Variants in PRICKLE1 observed in about 807,000 individuals in gnomAD.
The protein encoded by PRICKLE1 is prickle planar cell polarity protein 1.
PRICKLE1 carries 14 observed loss-of-function variants against 70.2 expected under a neutral mutation model. The observed-to-expected ratio is 0.20, with a 90% CI of 0.13 to 0.31. PRICKLE1 has a LOEUF of 0.31. Among genes scored for constraint, PRICKLE1 ranks in the 10% least tolerant of loss-of-function variants. The pLI is 1.00. For missense variants in PRICKLE1, 821 were observed against 1,026.2 expected, an observed-to-expected ratio of 0.80 and a Z score of 2.73; for synonymous variants, 357 against 379.9, an observed-to-expected ratio of 0.94 and a Z score of 0.70.
intron 1 of PRICKLE1, among the ~76,000 whole-genome samples, chr12:42,552,221 C>G (rs1343471771): frequency 1.3e-5 from 2 of 151,964 alleles, no homozygotes; most frequent in African/African-American, 4.8e-5. Context: ...TGCATGCCAC[C>G]ACGCCCGGCT....
At position 42,502,270 on chromosome 12, in the gene PRICKLE1, C is replaced by CAT. The variant is rs3086539; in HGVS notation, c.-48-29708_-48-29707dup. On this transcript the variant is annotated intron_variant, in intron 1 of 7. Coordinates refer to ENST00000345127, the MANE Select transcript of PRICKLE1 (RefSeq NM_153026.3). ...ATACACACCTATATATATATACCTA[C>CAT]ATATATATATATAGATATATATTTG... is the stretch of plus-strand genomic sequence containing the variant. 7.5e-3 allele frequency among the ~76,000 whole-genome samples: 1,109 copies of CAT among 148,138 alleles called. 33 individuals carry two copies. The East Asian group carries it at 0.089, about 12-fold the overall frequency.
Position 42,459,607 on chromosome 12 carries a change from C to G in PRICKLE1, c.*202G>C. 2 of 690,578 alleles carry G rather than the reference C, an allele frequency of 2.9e-6. No homozygotes were observed. The highest frequency in any genetic ancestry group is 3.6e-5 in the South Asian group (2 of 55,664). 42.8% of individuals were successfully genotyped at this position (690,578 alleles called of 1,614,324 possible). A position where few individuals can be genotyped will look rare whatever the true frequency, so the allele number is the denominator to read the frequency against. On this transcript the variant is annotated 3_prime_UTR_variant, in exon 8 of 8. Transcript: ENST00000345127. ...GACAGGCACGAGATGTCACGTCCACCTGGCACCATCCAAAGAGGGTAAATT... is the reference window on the plus strand; with the variant it reads ...GACAGGCACGAGATGTCACGTCCACGTGGCACCATCCAAAGAGGGTAAATT...
intron 1 of PRICKLE1, among the ~76,000 whole-genome samples, chr12:42,528,505 C>T (rs533338801): frequency 1.3e-5 from 2 of 152,182 alleles, no homozygotes; most frequent in South Asian, 4.2e-4. Flanking sequence ...TAAAAACAAC[C>T]TAAAAATTAC....
intron 1 of PRICKLE1, chr12:42,483,218 T>G (rs1938868009): frequency 6.6e-6 from 1 of 152,450 alleles, no homozygotes; most frequent in Non-Finnish European, 1.5e-5. Context: ...GCACTCGCCC[T>G]GCGGCTGGAC....
At position 42,466,275 on chromosome 12, in the gene PRICKLE1, T is replaced by C; in HGVS notation, c.694A>G (p.Met232Val). 1.2e-6 allele frequency: 2 copies of C among 1,614,220 alleles called. No individual in the cohort carries two copies. The highest frequency in any genetic ancestry group is 1.7e-6 in the Non-Finnish European group (2 of 1,180,046). Residue 232 changes from methionine to valine, a missense_variant, in exon 6 of 8, where the codon ATG becomes GTG. Coordinates refer to ENST00000345127, the MANE Select transcript of PRICKLE1 (RefSeq NM_153026.3). ...CAGCAGAAGGGGCGGCCGTCCTTCATGATATACCTCTGTCCTCCCAGGACC... is the reference window on the plus strand; with the variant it reads ...CAGCAGAAGGGGCGGCCGTCCTTCACGATATACCTCTGTCCTCCCAGGACC... ...ETVLGGQRYI[M>V]KDGRPFCCGC... is the part of the protein sequence containing the mutation.
Position 42,464,795 on chromosome 12 carries a change from ATC to A in PRICKLE1, c.1237_1238del (p.Asp413LeufsTer11). The A allele has an allele frequency of 6.2e-7, 1 of 1,613,986 alleles. No homozygotes were observed. Among genetic ancestry groups the A allele is most frequent in the Non-Finnish European group, 8.5e-7 (1 of 1,179,996 alleles). Reference sequence around the variant, plus strand: ...ACTTGAGGAGGAGCTGCGTCATATAATCTTCATGATCAGCCCATTCTTCAGGG... The same window carrying A: ...ACTTGAGGAGGAGCTGCGTCATATAATTCATGATCAGCCCATTCTTCAGGG... ...EDPEEWADHE[D>X]YMTQLLLKFG... On this transcript the variant is annotated frameshift_variant, in exon 7 of 8. Coordinates refer to ENST00000345127, the MANE Select transcript of PRICKLE1 (RefSeq NM_153026.3). LOFTEE classifies it high-confidence loss of function. This position sits in a 1 kb window ranked among gnomAD's most constrained non-coding sequence, Gnocchi z 4.2.
intron 1 of PRICKLE1, among the ~76,000 whole-genome samples, chr12:42,542,860 C>T (rs538927554): frequency 6.6e-5 from 10 of 152,266 alleles, no homozygotes; most frequent in Admixed American, 5.2e-4. Context: ...TGAATGTTTG[C>T]GTCCTCTAAC....
intron 1 of PRICKLE1, among the ~76,000 whole-genome samples, chr12:42,514,752 G>C (rs945427985): frequency 6.6e-6 from 1 of 151,752 alleles, no homozygotes; most frequent in African/African-American, 2.4e-5. Context: ...GTCCTAAAAG[G>C]CTTGTTTTGA....
At chr12:42,581,728 CAGA>C (rs1940904301) in intron 1 of PRICKLE1, among the ~76,000 whole-genome samples, 1 of 146,826 alleles carries the variant, frequency 6.8e-6, no homozygotes, top group African/African-American at 2.5e-5. Context: ...GCCTGGGTGA[CAGA>C]AGGAGACTCC....
intron 1 of PRICKLE1, among the ~76,000 whole-genome samples, chr12:42,474,044 C>T (rs1938426203): frequency 6.6e-6 from 1 of 152,104 alleles, no homozygotes; most frequent in Non-Finnish European, 1.5e-5. Context: ...GAGGCTGAGG[C>T]AGATGGATCA....
chr12:42,541,784 GA>G (rs777306699), intron 1 of PRICKLE1, among the ~76,000 whole-genome samples: 35 of 152,310 alleles, frequency 2.3e-4, no homozygotes, highest in Non-Finnish European at 1.3e-4. Context: ...GAAAGGATCA[GA>G]AGTGCTTGTT....
In PRICKLE1 at chr12:42,536,653, T is replaced by C. The variant is rs546651518; in HGVS notation, c.-49+52812A>G. Reference sequence around the variant, plus strand: ...AGCTCTCTCATCTGACTCCCTGAACTTATGTGTAGAAGTTTCTCATTTCTG... The same window carrying C: ...AGCTCTCTCATCTGACTCCCTGAACCTATGTGTAGAAGTTTCTCATTTCTG... On this transcript the variant is annotated intron_variant, in intron 1 of 7. Transcript: ENST00000345127. Among the ~76,000 whole-genome samples, 43 of 152,278 alleles carry C rather than the reference T, an allele frequency of 2.8e-4. 1 individual carries two copies. Among genetic ancestry groups the C allele is most frequent in the African/African-American group, 1.0e-3 (42 of 41,566 alleles).
intron 4 of PRICKLE1, 73 bp from the exon 5 acceptor site, chr12:42,468,902 G>A: frequency 7.0e-7 from 1 of 1,421,602 alleles, no homozygotes; most frequent in Non-Finnish European, 9.8e-7. Context: ...CCTACTTTAG[G>A]ATAAATCTCG....
intron 1 of PRICKLE1, among the ~76,000 whole-genome samples, chr12:42,475,310 C>A (rs1236702576): frequency 6.6e-6 from 1 of 152,200 alleles, no homozygotes; most frequent in Non-Finnish European, 1.5e-5. Flanking sequence ...ACTTACTTCT[C>A]CATGCCTGGC....
intron 1 of PRICKLE1, among the ~76,000 whole-genome samples, chr12:42,548,382 C>T (rs1372574425): frequency 2.0e-5 from 3 of 152,116 alleles, no homozygotes; most frequent in Admixed American, 1.3e-4. Flanking sequence ...TAAAATTTCT[C>T]GAACATATTA....
chr12:42,489,430 T>C (rs1354134323), intron 1 of PRICKLE1, among the ~76,000 whole-genome samples: 2 of 149,534 alleles, frequency 1.3e-5, no homozygotes, highest in Non-Finnish European at 3.0e-5. Flanking sequence ...AAGGCCGAGG[T>C]GGGCAGATCA....
chr12:42,477,534 GA>G (rs1938617203), intron 1 of PRICKLE1, among the ~76,000 whole-genome samples: 3 of 98,340 alleles, frequency 3.1e-5, no homozygotes, highest in African/African-American at 1.2e-4. Context: ...ATATATATAT[GA>G]CCTCACAAAT....
intron 1 of PRICKLE1, among the ~76,000 whole-genome samples, chr12:42,529,770 C>T (rs1028375357): frequency 2.0e-5 from 3 of 152,046 alleles, no homozygotes; most frequent in Non-Finnish European, 4.4e-5. Context: ...GTTGCGCATG[C>T]CTATAATCCC....
chr12:42,469,873 A>G (rs1938247033), intron 3 of PRICKLE1: 1 of 517,508 alleles, frequency 1.9e-6, no homozygotes, highest in Non-Finnish European at 3.5e-6. Flanking sequence ...TTTCCACAAA[A>G]GGTTTAAACT....
Sources: allele counts gnomAD v4.1 joint callset (sites outside exome capture counted in the v4.1 genomes callset), GRCh38; gene constraint gnomAD v4.1.1; non-coding constraint Gnocchi (gnomAD v3.1); transcripts MANE v1.5; gene names NCBI Gene and HGNC (gene_info 2026-07-23, HGNC 2026-07-21).